The following AGAP1 variants were observed in gnomAD, a reference collection of about 807,000 sequenced individuals.
The protein encoded by AGAP1 is ArfGAP with GTPase domain, ankyrin repeat and PH domain 1, also known as arf-GAP with GTPase, ANK repeat and PH domain-containing protein 1.
AGAP1 carries 29 observed loss-of-function variants against 105.3 expected under a neutral mutation model. The ratio of observed to expected loss-of-function variants is 0.28; its 90% CI spans 0.21 to 0.38. AGAP1 has a LOEUF of 0.38. Among genes scored for constraint, AGAP1 ranks in the 10% least tolerant of loss-of-function variants. The pLI, the probability that AGAP1 is intolerant of heterozygous loss-of-function variation, is 1.00. For synonymous variants in AGAP1, 509 were observed against 485.9 expected (o/e 1.05, Z -0.63); for missense variants, 998 against 1,165.1 (o/e 0.86, Z 2.09).
intron 16 of AGAP1, among the ~76,000 whole-genome samples, chr2:236,088,056 A>C (rs1335359625): frequency 6.6e-6 from 1 of 152,190 alleles, no homozygotes; most frequent in Admixed American, 6.5e-5. Context: ...AAAGACCCTC[A>C]GTCTCCACGA....
At chr2:235,808,883 A>T (rs576109542) in intron 9 of AGAP1, among the ~76,000 whole-genome samples, 1 of 152,294 alleles carries the variant, frequency 6.6e-6, no homozygotes, top group South Asian at 2.1e-4. Flanking sequence ...CCGTGCACAT[A>T]GTTGCTTATT....
Position 235,671,139 on chromosome 2 carries a change from C to T in AGAP1, c.164-38040C>T, listed in dbSNP as rs548066000. On this transcript the variant is annotated intron_variant, in intron 1 of 17. Coordinates refer to ENST00000304032, the MANE Select transcript of AGAP1 (RefSeq NM_001037131.3). ...GTTCCGCAGCGGCTATGGGACCCGC[C>T]CTCCCGGGTCGGGAGCCTGCACGTG... The T allele has an allele frequency of 5.7e-6, 7 of 1,225,572 alleles. No homozygotes were observed. The East Asian group carries it at 1.9e-4, about 34-fold the overall frequency. 75.9% of individuals were successfully genotyped at this position (1,225,572 alleles called of 1,614,324 possible). A position where few individuals can be genotyped will look rare whatever the true frequency, so the allele number is the denominator to read the frequency against.
intron 16 of AGAP1, among the ~76,000 whole-genome samples, chr2:236,106,418 C>T (rs1433915795): frequency 6.6e-6 from 1 of 152,212 alleles, no homozygotes; most frequent in African/African-American, 2.4e-5. Context: ...GGCTCAGGAC[C>T]CCTGGGCGGG....
chr2:235,885,176 A>G (rs1242788807), intron 10 of AGAP1, among the ~76,000 whole-genome samples: 1 of 152,150 alleles, frequency 6.6e-6, no homozygotes, highest in Non-Finnish European at 1.5e-5. Flanking sequence ...ATTTCTATGT[A>G]TATTTCTCTT....
At chr2:236,023,145 C>CT (rs1203163563) in intron 13 of AGAP1, among the ~76,000 whole-genome samples, 1 of 152,166 alleles carries the variant, frequency 6.6e-6, no homozygotes, top group Non-Finnish European at 1.5e-5. Flanking sequence ...TATATTCCGT[C>CT]TGAGTTTCCG....
Position 235,970,115 on chromosome 2 carries a change from T to C in AGAP1, c.1645+1492T>C, listed in dbSNP as rs868569821. Among the ~76,000 whole-genome samples, 16 of 150,240 alleles carry C rather than the reference T, an allele frequency of 1.1e-4. No individual in the cohort carries two copies. The highest frequency in any genetic ancestry group is 3.2e-3 in the Middle Eastern group (1 of 316). On this transcript the variant is annotated intron_variant, in intron 13 of 17. Transcript: ENST00000304032. This position sits in a 1 kb window ranked among gnomAD's most constrained non-coding sequence, Gnocchi z 5.4. ...TACCTGAGAGGCTGAGGCAGGAGCA[T>C]TGATTGAACCCAGGAGGTGGAGGTT... is the stretch of plus-strand genomic sequence containing the variant.
intron 13 of AGAP1, among the ~76,000 whole-genome samples, chr2:235,987,415 GTCTA>G (rs1390447424): frequency 4.0e-5 from 6 of 148,956 alleles, no homozygotes; most frequent in East Asian, 1.9e-4. Flanking sequence ...TTAGCTAATG[GTCTA>G]TCTATTTTGT....
intron 6 of AGAP1, among the ~76,000 whole-genome samples, chr2:235,796,719 C>A (rs568457632): frequency 6.6e-6 from 1 of 152,292 alleles, no homozygotes; most frequent in East Asian, 1.9e-4. Flanking sequence ...ACGTTATAAC[C>A]TATTGCTGGG....
Position 235,840,236 on chromosome 2 carries a change from GCATTCTGATGGCTTCAGCCGCTGTC to G in AGAP1, c.1050+32948_1050+32972del, listed in dbSNP as rs879708363. ...CCATTCTGATGGCTTCAGCCTCTGT[GCATTCTGATGGCTTCAGCCGCTGTC>G]CATTCTGATGGCTTCAGCCGCTGTC... On this transcript the variant is annotated intron_variant, in intron 9 of 17. Transcript: ENST00000304032. Among the ~76,000 whole-genome samples the G allele has an allele frequency of 9.3e-3, 1,422 of 152,150 alleles. 11 individuals carry two copies. The highest frequency in any genetic ancestry group is 0.015 in the Non-Finnish European group (1,017 of 67,978).
At position 236,127,384 on chromosome 2, in the gene AGAP1, C is replaced by T. The variant is rs2060020077; in HGVS notation, c.*3262C>T. The T allele has an allele frequency of 6.6e-6, 1 of 152,220 alleles. No individual in the cohort carries two copies. The highest frequency in any genetic ancestry group is 2.1e-4 in the South Asian group (1 of 4,830). The allele number at this position is 152,220 out of a possible 1,614,324, so 9.4% of individuals were successfully genotyped here. The stretch of plus-strand genomic sequence containing the variant: ...GTTCCTGAGTCACTGGCCCCAAAAC[C>T]AGGTGCAGTGTCCTGTCTCCCAAGT... On this transcript the variant is annotated 3_prime_UTR_variant, in exon 18 of 18. Coordinates refer to ENST00000304032, the MANE Select transcript of AGAP1 (RefSeq NM_001037131.3). The surrounding 1 kb of genome is among the most constrained non-coding windows in gnomAD (Gnocchi z 6.6).
intron 13 of AGAP1, among the ~76,000 whole-genome samples, chr2:235,995,344 T>C (rs1340062953): frequency 1.3e-5 from 2 of 151,692 alleles, no homozygotes; most frequent in African/African-American, 4.8e-5. Context: ...GTGAAACCTG[T>C]TTCTACTAAA....
At chr2:235,597,772 G>A (rs1945577852) in intron 1 of AGAP1, among the ~76,000 whole-genome samples, 1 of 134,458 alleles carries the variant, frequency 7.4e-6, no homozygotes, top group African/African-American at 2.7e-5. Context: ...TGTGGAGCGT[G>A]CACGCGCTCC....
intron 16 of AGAP1, among the ~76,000 whole-genome samples, chr2:236,108,624 G>C (rs2125928469): frequency 6.6e-6 from 1 of 152,298 alleles, no homozygotes. Context: ...GAAGAGAGAG[G>C]GGGTTCCAAT....
At chr2:235,650,305 T>C (rs528452603) in intron 1 of AGAP1, among the ~76,000 whole-genome samples, 2 of 152,298 alleles carry the variant, frequency 1.3e-5, no homozygotes, top group African/African-American at 4.8e-5. Flanking sequence ...GAGGTTGCAA[T>C]GAGCCGAGAT....
At chr2:235,913,263 TTTA>T (rs1156505626) in intron 11 of AGAP1, among the ~76,000 whole-genome samples, 2 of 152,074 alleles carry the variant, frequency 1.3e-5, no homozygotes, top group Non-Finnish European at 2.9e-5. Context: ...TATGTATGTG[TTTA>T]TGTGTGTGAA....
chr2:235,843,094 G>A lies in AGAP1; in HGVS notation c.1050+35763G>A, dbSNP rs1246208780. Among the ~76,000 whole-genome samples the A allele has an allele frequency of 6.6e-6, 1 of 152,178 alleles. No individual in the cohort carries two copies. The highest frequency in any genetic ancestry group is 1.5e-5 in the Non-Finnish European group (1 of 68,030). On this transcript the variant is annotated intron_variant, in intron 9 of 17. Transcript: ENST00000304032. The surrounding 1 kb of genome is among the most constrained non-coding windows in gnomAD (Gnocchi z 5.9). ...ATGAAACAGAAGTGCTCATTGTCCT[G>A]TTGCCACCCTTGTCGGTTTTTCACC...
intron 1 of AGAP1, chr2:235,524,275 A>T (rs1462170345): frequency 1.2e-5 from 2 of 163,406 alleles, no homozygotes; most frequent in Non-Finnish European, 2.9e-5. Flanking sequence ...GAGGCTGGGG[A>T]CAGCATGGTC....
intron 10 of AGAP1, among the ~76,000 whole-genome samples, chr2:235,902,197 A>G (rs1575737223): frequency 6.6e-6 from 1 of 152,292 alleles, no homozygotes; most frequent in East Asian, 1.9e-4. Flanking sequence ...GTCTTTGAGT[A>G]TCTCACGTTA....
At position 235,663,811 on chromosome 2, in the gene AGAP1, G is replaced by A. The variant is rs1050613728; in HGVS notation, c.164-45368G>A. The stretch of plus-strand genomic sequence containing the variant: ...AAGGAATGTCTGCATGAAGACCATC[G>A]TACAGATGGCGATATTAGAAGAGTT... On this transcript the variant is annotated intron_variant, in intron 1 of 17. Coordinates refer to ENST00000304032, the MANE Select transcript of AGAP1 (RefSeq NM_001037131.3). The surrounding 1 kb of genome is among the most constrained non-coding windows in gnomAD (Gnocchi z 5.4). Among the ~76,000 whole-genome samples, 7 of 152,160 alleles carry A rather than the reference G, an allele frequency of 4.6e-5. No homozygotes were observed. The highest frequency in any genetic ancestry group is 1.9e-4 in the East Asian group (1 of 5,194).
Sources: allele counts gnomAD v4.1 joint callset (sites outside exome capture counted in the v4.1 genomes callset), GRCh38; gene constraint gnomAD v4.1.1; non-coding constraint Gnocchi (gnomAD v3.1); transcripts MANE v1.5; gene names NCBI Gene and HGNC (gene_info 2026-07-23, HGNC 2026-07-21).